Variants in CACNA1A observed in about 807,000 individuals in gnomAD.
CACNA1A encodes the protein calcium voltage-gated channel subunit alpha1 A.
Under a neutral mutation model 262.4 loss-of-function variants are expected in CACNA1A, and 57 were observed. The observed-to-expected ratio is 0.22, with a 90% confidence interval of 0.18 to 0.27. CACNA1A has a LOEUF of 0.27. Among genes scored for constraint, CACNA1A ranks in the 10% least tolerant of loss-of-function variants. CACNA1A has a pLI of 1.00. For missense variants in CACNA1A, 2,526 were observed against 3,562.8 expected, an observed-to-expected ratio of 0.71 and a Z score of 7.41; for synonymous variants, 1,431 against 1,419.3, an observed-to-expected ratio of 1.01 and a Z score of -0.18.
chr19:13,289,140 C>CTTTT (rs36024401), intron 19 of CACNA1A, among the ~76,000 whole-genome samples: 3 of 122,240 alleles, frequency 2.5e-5, no homozygotes, highest in African/African-American at 6.2e-5. Context: ...TCGGCAATGT[C>CTTTT]TTTTTTTTTT....
At chr19:13,470,538 C>A (rs1174497415) in intron 1 of CACNA1A, among the ~76,000 whole-genome samples, 1 of 152,206 alleles carries the variant, frequency 6.6e-6, no homozygotes, top group Non-Finnish European at 1.5e-5. Flanking sequence ...TAGGTAATCA[C>A]CCTTTATCTA....
chr19:13,288,569 A>G (rs2057460703), intron 19 of CACNA1A, among the ~76,000 whole-genome samples: 1 of 151,988 alleles, frequency 6.6e-6, no homozygotes, highest in East Asian at 1.9e-4. Flanking sequence ...GAATGTCCCC[A>G]TTATCCAGAT....
At chr19:13,311,911 TG>T (rs2058043798) in intron 12 of CACNA1A, among the ~76,000 whole-genome samples, 1 of 152,032 alleles carries the variant, frequency 6.6e-6, no homozygotes, top group Non-Finnish European at 1.5e-5. Context: ...AACAGGACTA[TG>T]GTAAATGATT....
At chr19:13,341,523 C>T (rs540569863) in intron 6 of CACNA1A, among the ~76,000 whole-genome samples, 1 of 152,342 alleles carries the variant, frequency 6.6e-6, no homozygotes, top group East Asian at 1.9e-4. Context: ...CTCCCCTTTT[C>T]CCTCGCTCAT....
At chr19:13,223,588 G>A (rs1053007771) in intron 38 of CACNA1A, among the ~76,000 whole-genome samples, 1 of 152,138 alleles carries the variant, frequency 6.6e-6, no homozygotes, top group Non-Finnish European at 1.5e-5. Context: ...GTGGCCGGAG[G>A]GAACCTGTTC....
chr19:13,439,299 G>C (rs534967023), intron 3 of CACNA1A, among the ~76,000 whole-genome samples: 3 of 150,566 alleles, frequency 2.0e-5, no homozygotes, highest in African/African-American at 4.9e-5. Context: ...TAATAAAGAC[G>C]GGGTTTCACC....
At chr19:13,449,091 T>G (rs934948546) in intron 3 of CACNA1A, among the ~76,000 whole-genome samples, 21 of 151,944 alleles carry the variant, frequency 1.4e-4, no homozygotes, top group Non-Finnish European at 2.5e-4. Context: ...CTCAGCCTCC[T>G]GAGTAGCTGG....
intron 3 of CACNA1A, among the ~76,000 whole-genome samples, chr19:13,381,669 C>T (rs149427604): frequency 2.6e-3 from 395 of 152,306 alleles, no homozygotes; most frequent in African/African-American, 8.8e-3. Context: ...GTCCTCCTCC[C>T]GCTCTCCCCC....
chr19:13,430,522 G>A (rs1292036112), intron 3 of CACNA1A, among the ~76,000 whole-genome samples: 1 of 152,162 alleles, frequency 6.6e-6, no homozygotes, highest in Non-Finnish European at 1.5e-5. Flanking sequence ...AAGCAGGTCA[G>A]GAGGAGATAG....
chr19:13,481,844 C>G (rs988057565), intron 1 of CACNA1A, among the ~76,000 whole-genome samples: 1 of 152,044 alleles, frequency 6.6e-6, no homozygotes, highest in East Asian at 1.9e-4. Flanking sequence ...GTTCAGGCAG[C>G]GATCACTTGC....
At chr19:13,252,963 A>G (rs374751912) in intron 30 of CACNA1A, 28 bp downstream of exon 30, 3 of 1,478,642 alleles carry the variant, frequency 2.0e-6, no homozygotes, top group African/African-American at 2.8e-5. Context: ...TCCCAAGCCC[A>G]TAGCTGTAGC....
chr19:13,219,167 A>G (rs2055128944), intron 38 of CACNA1A, among the ~76,000 whole-genome samples: 1 of 148,854 alleles, frequency 6.7e-6, no homozygotes. Context: ...TTAGCCTTCC[A>G]AGTAGCTGGG....
intron 1 of CACNA1A, among the ~76,000 whole-genome samples, chr19:13,498,112 C>T (rs1981907293): frequency 6.6e-6 from 1 of 152,016 alleles, no homozygotes; most frequent in Non-Finnish European, 1.5e-5. Context: ...CTCCCACCCA[C>T]ACACACCATG....
At chr19:13,457,401 T>A (rs1038108233) in intron 1 of CACNA1A, among the ~76,000 whole-genome samples, 1 of 152,188 alleles carries the variant, frequency 6.6e-6, no homozygotes, top group Non-Finnish European at 1.5e-5. Context: ...AAAAGGATCG[T>A]AAGACAGGTA....
chr19:13,235,603 C>T lies in CACNA1A; in HGVS notation c.5067+11G>A, dbSNP rs761890193. The T allele has an allele frequency of 1.8e-5, 29 of 1,576,760 alleles. No homozygotes were observed. Among genetic ancestry groups the T allele is most frequent in the Admixed American group, 5.0e-5 (3 of 59,960 alleles). The stretch of plus-strand genomic sequence containing the variant: ...CTCAGCCCTGGGCCAGCAGCAGGGA[C>T]GAGGACTCACCTTGAAGGACTGCAC... On this transcript the variant is annotated intron_variant, in intron 32 of 46. Coordinates refer to ENST00000360228, the MANE Select transcript of CACNA1A (RefSeq NM_001127222.2).
chr19:13,252,259 G>A (rs962461173), intron 30 of CACNA1A, among the ~76,000 whole-genome samples: 1 of 151,070 alleles, frequency 6.6e-6, no homozygotes, highest in Non-Finnish European at 1.5e-5. Context: ...TTTTTTGTAG[G>A]GACAGGGGCT....
chr19:13,494,125 C>A (rs1375199775), intron 1 of CACNA1A, among the ~76,000 whole-genome samples: 1 of 152,226 alleles, frequency 6.6e-6, no homozygotes, highest in Non-Finnish European at 1.5e-5. Flanking sequence ...AGTGCACAAC[C>A]TGTGCAACTA....
chr19:13,434,471 G>A (rs180875868), intron 3 of CACNA1A, among the ~76,000 whole-genome samples: 85 of 152,284 alleles, frequency 5.6e-4, no homozygotes, highest in Non-Finnish European at 1.1e-3. Flanking sequence ...CCCAATGTTG[G>A]AGGTGGGGCC....
At chr19:13,305,421 C>A (rs2057879392) in intron 15 of CACNA1A, among the ~76,000 whole-genome samples, 1 of 152,210 alleles carries the variant, frequency 6.6e-6, no homozygotes, top group South Asian at 2.1e-4. Context: ...ACAGCACCTA[C>A]ATGCTCCTTT....
Sources: gnomAD v4.1 joint callset for allele counts (sites outside exome capture counted in the v4.1 genomes callset) on GRCh38, gnomAD v4.1.1 for gene constraint, MANE v1.5 for transcripts, NCBI Gene and HGNC (gene_info 2026-07-23, HGNC 2026-07-21) for gene names.